EDA: variants seen among roughly 807,000 people sequenced by gnomAD.
EDA encodes the protein ectodysplasin-A.
A neutral mutation model predicts 23.6 loss-of-function variants in EDA; 2 were observed. The ratio of observed to expected loss-of-function variants is 0.08; its 90% CI spans 0.03 to 0.27. The LOEUF (loss-of-function observed/expected upper bound fraction) is 0.27, where lower values mean the gene tolerates loss of function less well. EDA is among the 10% of genes least tolerant of loss of function. EDA has a pLI of 1.00. For synonymous variants in EDA, 131 were observed against 132.0 expected (o/e 0.99, Z 0.05); for missense variants, 229 against 324.2 (o/e 0.71, Z 2.26).
At position 70,025,130 on chromosome X, in the gene EDA, GTT is replaced by G. The variant is rs764249952; in HGVS notation, c.526+1899_526+1900del. ...GCTGCAGAACTGGAACAAAGCAGGA[GTT>G]TTTTTTTTTCTCAAATGCCTTCTAA... On this transcript the variant is annotated intron_variant, in intron 3 of 7. Coordinates refer to ENST00000374552, the MANE Select transcript of EDA (RefSeq NM_001399.5). Among the ~76,000 whole-genome samples, 293 of 106,940 alleles carry G rather than the reference GTT, an allele frequency of 2.7e-3. 2 individuals are homozygous for G. The highest frequency in any genetic ancestry group is 8.8e-3 in the African/African-American group (262 of 29,654). The allele number at this position is 106,940 out of a possible 115,157, so 92.9% of individuals were successfully genotyped here.
chrX:69,733,104 A>G (rs1245212600), intron 1 of EDA, among the ~76,000 whole-genome samples: 2 of 108,987 alleles, frequency 1.8e-5, no homozygotes, highest in Admixed American at 9.8e-5. Context: ...CTTTAGTTTA[A>G]TTAGATCCCA....
chrX:69,804,278 C>T (rs1310609306), intron 1 of EDA, among the ~76,000 whole-genome samples: 1 of 110,882 alleles, frequency 9.0e-6, no homozygotes, highest in Non-Finnish European at 1.9e-5. Context: ...TGCCACTATG[C>T]TAATTTATAT....
At chrX:69,717,193 G>A (rs760993994) in intron 1 of EDA, among the ~76,000 whole-genome samples, 1 of 110,925 alleles carries the variant, frequency 9.0e-6, no homozygotes, top group East Asian at 2.9e-4. Context: ...ATATGATGTT[G>A]TCTGTGGGTT....
chrX:69,823,396 G>C (rs1198618430), intron 1 of EDA, among the ~76,000 whole-genome samples: 2 of 87,940 alleles, frequency 2.3e-5, no homozygotes, highest in Non-Finnish European at 4.3e-5. Context: ...ATTCTAACTG[G>C]TGTGAGATGG....
intron 1 of EDA, among the ~76,000 whole-genome samples, chrX:69,837,084 G>A (rs2016794454): frequency 9.0e-6 from 1 of 111,632 alleles, no homozygotes; most frequent in South Asian, 3.7e-4. Flanking sequence ...TTTATTGGGT[G>A]CATGAGATAT....
intron 1 of EDA, among the ~76,000 whole-genome samples, chrX:69,879,894 A>T (rs2017717150): frequency 8.9e-6 from 1 of 111,749 alleles, no homozygotes; most frequent in Non-Finnish European, 1.9e-5. Context: ...ATCTAAAGTC[A>T]ACTCTCCCCA....
intron 1 of EDA, among the ~76,000 whole-genome samples, chrX:69,888,843 G>A (rs2147627925): frequency 9.7e-6 from 1 of 102,692 alleles, no homozygotes; most frequent in South Asian, 4.6e-4. Context: ...GGACCCCTGG[G>A]TTGCTTTCAC....
Position 70,009,790 on chromosome X carries a change from T to A in EDA, c.503-13428T>A, listed in dbSNP as rs768081237. The stretch of plus-strand genomic sequence containing the variant: ...TTAGTAGAGACAGGGTTTCACCAGG[T>A]TGGCCAGGCTGGTCTCAAACTCCTG... On this transcript the variant is annotated intron_variant, in intron 2 of 7. Coordinates refer to ENST00000374552, the MANE Select transcript of EDA (RefSeq NM_001399.5). Among the ~76,000 whole-genome samples the A allele has an allele frequency of 7.2e-5, 8 of 111,423 alleles. No individual in the cohort carries two copies. The East Asian group carries it at 2.3e-3, about 31-fold the overall frequency.
At chrX:69,999,693 A>C (rs1452643746) in intron 2 of EDA, among the ~76,000 whole-genome samples, 8 of 111,035 alleles carry the variant, frequency 7.2e-5, no homozygotes, top group Non-Finnish European at 1.3e-4. Context: ...TTACAGAACA[A>C]AACAGTTCCC....
chrX:70,005,711 G>A (rs16991039), intron 2 of EDA, among the ~76,000 whole-genome samples: 9,843 of 109,621 alleles, frequency 0.09, 1,079 homozygotes, highest in African/African-American at 0.31. Context: ...AGGTGTGGTG[G>A]ATGTAGAGCC....
chrX:69,897,773 T>A (rs1029167510), intron 1 of EDA, among the ~76,000 whole-genome samples: 5 of 111,931 alleles, frequency 4.5e-5, no homozygotes, highest in African/African-American at 1.6e-4. Context: ...GGGGCAGGGA[T>A]TCATCCCATC....
chrX:69,875,553 C>T (rs1332342857), intron 1 of EDA, among the ~76,000 whole-genome samples: 4 of 111,618 alleles, frequency 3.6e-5, no homozygotes, highest in Non-Finnish European at 5.7e-5. Context: ...ATCAGAAAAA[C>T]CCTTCTAGAC....
At chrX:69,635,864 C>CAAT (rs1287580773) in intron 1 of EDA, among the ~76,000 whole-genome samples, 1 of 110,556 alleles carries the variant, frequency 9.0e-6, no homozygotes, top group African/African-American at 3.3e-5. Flanking sequence ...CCTCTCATTT[C>CAAT]AATACTTACT....
chrX:69,855,496 G>A (rs5936779), intron 1 of EDA, among the ~76,000 whole-genome samples: 4,190 of 111,705 alleles, frequency 0.038, 91 homozygotes, highest in Non-Finnish European at 0.059. Flanking sequence ...TTTCTATATA[G>A]TATAAGGAAG....
chrX:69,717,333 G>C (rs182474802), intron 1 of EDA, among the ~76,000 whole-genome samples: 275 of 110,643 alleles, frequency 2.5e-3, no homozygotes, highest in African/African-American at 8.2e-3. Context: ...TGTTTTGTTA[G>C]GTATCTACCT....
At chrX:69,767,179 A>G (rs2014494947) in intron 1 of EDA, among the ~76,000 whole-genome samples, 1 of 111,851 alleles carries the variant, frequency 8.9e-6, no homozygotes, top group African/African-American at 3.2e-5. Context: ...TACTAGTAAC[A>G]TTGTGATTGT....
intron 1 of EDA, among the ~76,000 whole-genome samples, chrX:69,770,578 T>G (rs144640474): frequency 8.9e-6 from 1 of 111,811 alleles, no homozygotes; most frequent in African/African-American, 3.2e-5. Flanking sequence ...TAATGGGATT[T>G]TTTTTAACTG....
intron 1 of EDA, among the ~76,000 whole-genome samples, chrX:69,649,405 A>T (rs1933029853): frequency 9.0e-6 from 1 of 111,718 alleles, no homozygotes; most frequent in Non-Finnish European, 1.9e-5. Flanking sequence ...AATTGTGGTG[A>T]CTATCTGGGG....
At chrX:69,668,353 A>G (rs1933759851) in intron 1 of EDA, among the ~76,000 whole-genome samples, 1 of 111,946 alleles carries the variant, frequency 8.9e-6, no homozygotes, top group East Asian at 2.8e-4. Context: ...TTCTCAATTT[A>G]TTAAGACTTG....
Sources: gnomAD v4.1 joint callset for allele counts (sites outside exome capture counted in the v4.1 genomes callset) on GRCh38, gnomAD v4.1.1 for gene constraint, MANE v1.5 for transcripts, NCBI Gene and HGNC (gene_info 2026-07-23, HGNC 2026-07-21) for gene names.